CLEC2A: variants seen among roughly 807,000 people sequenced by gnomAD.
CLEC2A encodes the protein C-type lectin domain family 2 member A.
Under a neutral mutation model 18.6 loss-of-function variants are expected in CLEC2A, and 19 were observed. The ratio of observed to expected loss-of-function variants is 1.02; its 90% confidence interval spans 0.71 to 1.50. The LOEUF (loss-of-function observed/expected upper bound fraction) is 1.50. CLEC2A is among the 40% of genes most tolerant of loss of function. The pLI, the probability that CLEC2A is intolerant of heterozygous loss-of-function variation, is 0.00. For synonymous variants in CLEC2A, 74 were observed against 64.0 expected (o/e 1.16, Z -0.75); for missense variants, 190 against 207.9 (o/e 0.91, Z 0.53).
the CLEC2A span, among the ~76,000 whole-genome samples, chr12:9,887,367 T>C: frequency 2.6e-5 from 4 of 152,296 alleles, no homozygotes; most frequent in East Asian, 7.7e-4. Flanking sequence ...ACATAAATAA[T>C]TAGTTTTCCC....
intron 2 of CLEC2A, among the ~76,000 whole-genome samples, chr12:9,922,905 C>A (rs1247422552): frequency 1.3e-5 from 2 of 152,092 alleles, no homozygotes; most frequent in Non-Finnish European, 2.9e-5. Flanking sequence ...GGCTGCACCC[C>A]CTACTCCACC....
chr12:9,895,689 G>A, downstream of CLEC2A: 6 of 1,525,872 alleles, frequency 3.9e-6, no homozygotes, highest in Non-Finnish European at 5.2e-6. Flanking sequence ...TGTCTCTTAG[G>A]TTTTCAGTGA....
At chr12:9,920,011 G>T (rs1863140380) in intron 3 of CLEC2A, among the ~76,000 whole-genome samples, 1 of 152,140 alleles carries the variant, frequency 6.6e-6, no homozygotes, top group South Asian at 2.1e-4. Context: ...GGTCAACTTG[G>T]ACTCTCCAAA....
intron 4 of CLEC2A, among the ~76,000 whole-genome samples, chr12:9,901,459 T>C (rs1379607509): frequency 1.3e-5 from 2 of 152,216 alleles, no homozygotes; most frequent in African/African-American, 4.8e-5. Context: ...AGTGATAGCA[T>C]ACACTCAGAC....
the CLEC2A span, among the ~76,000 whole-genome samples, chr12:9,883,873 G>A: frequency 6.6e-6 from 1 of 152,090 alleles, no homozygotes; most frequent in South Asian, 2.1e-4. Context: ...TTGAGAAACA[G>A]CACTTTTATT....
intron 1 of CLEC2A, among the ~76,000 whole-genome samples, chr12:9,928,447 A>G (rs1285158553): frequency 6.6e-6 from 1 of 152,166 alleles, no homozygotes; most frequent in Non-Finnish European, 1.5e-5. Context: ...CCTGGGTGAC[A>G]GAGTGAGGCT....
chr12:9,886,779 AAAAG>A, the CLEC2A span, among the ~76,000 whole-genome samples: 17 of 151,384 alleles, frequency 1.1e-4, no homozygotes, highest in Non-Finnish European at 1.8e-4. Flanking sequence ...AAAAAAAAAA[AAAAG>A]AGAGAAGAAC....
chr12:9,889,346 A>G, the CLEC2A span, among the ~76,000 whole-genome samples: 51 of 152,118 alleles, frequency 3.4e-4, 2 homozygotes, highest in Admixed American at 3.3e-3. Flanking sequence ...ACCAGTCTAG[A>G]TGTCACTGGG....
intron 4 of CLEC2A, among the ~76,000 whole-genome samples, chr12:9,899,347 A>G (rs1447548174): frequency 6.6e-6 from 1 of 152,194 alleles, no homozygotes; most frequent in Non-Finnish European, 1.5e-5. Flanking sequence ...AGTATCCCGT[A>G]GTATGGAGAC....
the CLEC2A span, chr12:9,893,533 T>A: frequency 7.0e-7 from 1 of 1,430,396 alleles, no homozygotes; most frequent in Non-Finnish European, 9.5e-7. Flanking sequence ...ACTTTTTAGT[T>A]CCAGAATTGT....
At chr12:9,902,007 G>C (rs557668462) in intron 4 of CLEC2A, among the ~76,000 whole-genome samples, 2 of 152,192 alleles carry the variant, frequency 1.3e-5, no homozygotes, top group African/African-American at 4.8e-5. Context: ...TGAACCTTCA[G>C]CTTTTTCCTA....
At chr12:9,878,937 C>G in the CLEC2A span, among the ~76,000 whole-genome samples, 8 of 151,988 alleles carry the variant, frequency 5.3e-5, no homozygotes, top group Non-Finnish European at 8.8e-5. Flanking sequence ...AACCTGGTGA[C>G]GACCTGCTGT....
At chr12:9,893,740 C>T (rs189241380), downstream of CLEC2A, among the ~76,000 whole-genome samples, 3 of 151,294 alleles carry the variant, frequency 2.0e-5, no homozygotes, top group East Asian at 5.8e-4. Context: ...TCTTCTTTAA[C>T]ATTCACTAAT....
chr12:9,901,117 T>C (rs2137013659), intron 4 of CLEC2A, among the ~76,000 whole-genome samples: 1 of 152,266 alleles, frequency 6.6e-6, no homozygotes, highest in African/African-American at 2.4e-5. Flanking sequence ...CAAGCAAAGG[T>C]TAAAAAGGTT....
At position 9,922,622 on chromosome 12, in the gene CLEC2A, C is replaced by T. The variant is rs76447866; in HGVS notation, c.140-390G>A. On this transcript the variant is annotated intron_variant, in intron 2 of 4. Coordinates refer to ENST00000455827, the MANE Select transcript of CLEC2A (RefSeq NM_001130711.2). ...GGAGGCTTTCCTTTACCTATGAAAA[C>T]ACCCAAGCTAGGAAAGTGAAACTTG... Among the ~76,000 whole-genome samples, 145 of 152,286 alleles carry T rather than the reference C, an allele frequency of 9.5e-4. 4 individuals are homozygous for T. The East Asian group carries it at 0.027, about 28-fold the overall frequency.
intron 1 of CLEC2A, among the ~76,000 whole-genome samples, chr12:9,928,142 A>G (rs1863309573): frequency 6.6e-6 from 1 of 152,216 alleles, no homozygotes; most frequent in East Asian, 1.9e-4. Flanking sequence ...TACAGTGTAA[A>G]ATTAAAAGAA....
downstream of CLEC2A, among the ~76,000 whole-genome samples, chr12:9,909,946 C>A (rs1057349511): frequency 2.0e-5 from 3 of 152,024 alleles, no homozygotes; most frequent in Non-Finnish European, 4.4e-5. Flanking sequence ...GAATAGGGAC[C>A]TTTTCTCTTT....
chr12:9,892,954 G>T, the CLEC2A span: 1 of 1,236,358 alleles, frequency 8.1e-7, no homozygotes, highest in South Asian at 1.5e-5. Flanking sequence ...AGTCACATTT[G>T]ATAATATTTC....
chr12:9,903,628 T>A (rs997028900), intron 4 of CLEC2A, among the ~76,000 whole-genome samples: 7 of 152,232 alleles, frequency 4.6e-5, no homozygotes, highest in African/African-American at 1.7e-4. Flanking sequence ...TCTAATGTTA[T>A]TCTATTTTCC....
Sources: gnomAD v4.1 joint callset for allele counts (sites outside exome capture counted in the v4.1 genomes callset) on GRCh38, gnomAD v4.1.1 for gene constraint, MANE v1.5 for transcripts, NCBI Gene and HGNC (gene_info 2026-07-23, HGNC 2026-07-21) for gene names.